SDK1: variants seen among roughly 807,000 people sequenced by gnomAD.
The protein encoded by SDK1 is protein sidekick-1.
A neutral mutation model predicts 245.5 loss-of-function variants in SDK1; 157 were observed. The observed-to-expected ratio is 0.64, with a 90% confidence interval of 0.56 to 0.73. The LOEUF (loss-of-function observed/expected upper bound fraction) is 0.73, where lower values mean the gene tolerates loss of function less well. SDK1 is among the 30% of genes least tolerant of loss of function. The pLI is 0.00. For missense variants in SDK1, 3,583 were observed against 3,002.3 expected, an observed-to-expected ratio of 1.19 and a Z score of -4.52; for synonymous variants, 1,647 against 1,278.5, an observed-to-expected ratio of 1.29 and a Z score of -6.15.
At chr7:3,796,947 C>A (rs544172877) in intron 4 of SDK1, among the ~76,000 whole-genome samples, 1 of 152,048 alleles carries the variant, frequency 6.6e-6, no homozygotes, top group Non-Finnish European at 1.5e-5. Context: ...ATTTTAGATA[C>A]ACATAAATGT....
At chr7:3,784,895 G>T (rs995537893) in intron 4 of SDK1, among the ~76,000 whole-genome samples, 8 of 152,346 alleles carry the variant, frequency 5.3e-5, no homozygotes, top group Middle Eastern at 3.4e-3. Context: ...TTGAAGACGT[G>T]TGCACACCAA....
At chr7:3,410,065 T>TA (rs1330140373) in intron 1 of SDK1, among the ~76,000 whole-genome samples, 3 of 152,180 alleles carry the variant, frequency 2.0e-5, no homozygotes, top group African/African-American at 7.2e-5. Context: ...AATGAATTGA[T>TA]ATATATAAAG....
intron 1 of SDK1, among the ~76,000 whole-genome samples, chr7:3,391,789 G>C (rs140637432): frequency 0.013 from 1,950 of 151,454 alleles, 19 homozygotes; most frequent in Non-Finnish European, 0.021. Context: ...CATAATGCCT[G>C]GCTAATTTTT....
intron 22 of SDK1, among the ~76,000 whole-genome samples, chr7:4,086,809 A>G (rs561888478): frequency 6.6e-6 from 1 of 152,250 alleles, no homozygotes; most frequent in Non-Finnish European, 1.5e-5. Flanking sequence ...GGGTATGGGC[A>G]TCTCCAGGGG....
At chr7:4,050,990 T>C (rs941726285) in intron 18 of SDK1, among the ~76,000 whole-genome samples, 1 of 142,290 alleles carries the variant, frequency 7.0e-6, no homozygotes, top group Admixed American at 7.3e-5. Flanking sequence ...GCTATATATG[T>C]TATATATGTT....
chr7:4,035,585 TG>T (rs1255693220), intron 17 of SDK1, among the ~76,000 whole-genome samples: 3 of 152,222 alleles, frequency 2.0e-5, no homozygotes, highest in Non-Finnish European at 4.4e-5. Flanking sequence ...GTGATTATGT[TG>T]ATGTCTTTGG....
intron 28 of SDK1, among the ~76,000 whole-genome samples, chr7:4,137,472 A>G (rs1362120486): frequency 4.6e-5 from 7 of 152,086 alleles, no homozygotes; most frequent in Admixed American, 1.3e-4. Flanking sequence ...CGGTTCTGGA[A>G]CTTGTCTCAG....
chr7:3,518,398 A>G (rs1281065189), intron 1 of SDK1, among the ~76,000 whole-genome samples: 5 of 152,162 alleles, frequency 3.3e-5, no homozygotes, highest in South Asian at 2.1e-4. Flanking sequence ...TGAAAAGACA[A>G]CCTACAGAAT....
At chr7:3,792,764 A>C (rs573584315) in intron 4 of SDK1, among the ~76,000 whole-genome samples, 1 of 151,434 alleles carries the variant, frequency 6.6e-6, no homozygotes, top group African/African-American at 2.4e-5. Context: ...CTCCCCCTCC[A>C]GTCTCCCATC....
At chr7:3,364,891 T>A (rs1252038741) in intron 1 of SDK1, among the ~76,000 whole-genome samples, 1 of 152,238 alleles carries the variant, frequency 6.6e-6, no homozygotes, top group Non-Finnish European at 1.5e-5. Flanking sequence ...AGTCTTCCAA[T>A]CTATGAACAT....
intron 5 of SDK1, among the ~76,000 whole-genome samples, chr7:3,901,397 A>G (rs1427754085): frequency 6.6e-6 from 1 of 152,038 alleles, no homozygotes; most frequent in Non-Finnish European, 1.5e-5. Context: ...CGTGCTAGCC[A>G]GGATGGTCTC....
intron 12 of SDK1, among the ~76,000 whole-genome samples, chr7:3,973,285 T>G (rs568368242): frequency 5.3e-5 from 8 of 152,202 alleles, no homozygotes; most frequent in Non-Finnish European, 1.0e-4. Flanking sequence ...GAAGGTAGTT[T>G]GTAAATGTCT....
At chr7:4,030,726 G>A (rs2342491) in intron 17 of SDK1, among the ~76,000 whole-genome samples, 41,962 of 152,148 alleles carry the variant, frequency 0.28, 8,385 homozygotes, top group African/African-American at 0.57. Flanking sequence ...TCCAGCTTGC[G>A]TCCATGCCTT....
At chr7:3,904,623 G>C (rs1781899541) in intron 5 of SDK1, among the ~76,000 whole-genome samples, 2 of 152,130 alleles carry the variant, frequency 1.3e-5, no homozygotes, top group African/African-American at 4.8e-5. Context: ...CAGCCCGGAA[G>C]ATCAAGGCTG....
At chr7:3,339,628 A>C (rs1432564326) in intron 1 of SDK1, among the ~76,000 whole-genome samples, 1 of 148,556 alleles carries the variant, frequency 6.7e-6, no homozygotes, top group Non-Finnish European at 1.5e-5. Context: ...GAAAATTTCT[A>C]AATAACACAT....
intron 5 of SDK1, among the ~76,000 whole-genome samples, chr7:3,896,782 G>A (rs562271488): frequency 9.8e-5 from 15 of 152,306 alleles, no homozygotes; most frequent in African/African-American, 3.4e-4. Flanking sequence ...TATCATGGCT[G>A]AAAGCAAAAG....
chr7:4,051,303 A>G (rs1210758885), intron 18 of SDK1, among the ~76,000 whole-genome samples: 1 of 146,376 alleles, frequency 6.8e-6, no homozygotes, highest in East Asian at 2.0e-4. Context: ...TTATATATGG[A>G]TATATGTAAT....
chr7:3,329,903 A>C (rs937323991), intron 1 of SDK1, among the ~76,000 whole-genome samples: 1 of 152,186 alleles, frequency 6.6e-6, no homozygotes, highest in African/African-American at 2.4e-5. Context: ...AATATATGAG[A>C]GGGTGTGCAT....
At chr7:3,323,460 A>C (rs1383078542) in intron 1 of SDK1, among the ~76,000 whole-genome samples, 1 of 152,210 alleles carries the variant, frequency 6.6e-6, no homozygotes, top group Non-Finnish European at 1.5e-5. Flanking sequence ...TAGAGGTTCT[A>C]AGGAAAAATA....
Sources: allele counts gnomAD v4.1 joint callset (sites outside exome capture counted in the v4.1 genomes callset), GRCh38; gene constraint gnomAD v4.1.1; transcripts MANE v1.5; gene names NCBI Gene and HGNC (gene_info 2026-07-23, HGNC 2026-07-21).